AKT3: variants seen among roughly 807,000 people sequenced by gnomAD.
AKT3 encodes RAC-gamma serine/threonine-protein kinase.
AKT3 carries 15 observed loss-of-function variants against 65.3 expected under a neutral mutation model. The observed-to-expected ratio is 0.23, with a 90% confidence interval of 0.15 to 0.35. The LOEUF (loss-of-function observed/expected upper bound fraction) is 0.35. AKT3 is among the 10% of genes least tolerant of loss of function. AKT3 has a pLI of 1.00. For synonymous variants in AKT3, 206 were observed against 183.8 expected, an observed-to-expected ratio of 1.12 and a Z score of -0.98; for missense variants, 243 against 576.5, an observed-to-expected ratio of 0.42 and a Z score of 5.92.
In AKT3 at chr1:243,668,241, C is replaced by T. The variant is rs192061558; in HGVS notation, c.173-3358G>A. Among the ~76,000 whole-genome samples, 12 of 152,180 alleles carry T rather than the reference C, an allele frequency of 7.9e-5. No individual in the cohort carries two copies. In the East Asian group the frequency reaches 2.3e-3, roughly 29 times the overall value. On this transcript the variant is annotated intron_variant, in intron 3 of 13. Transcript: ENST00000673466. The stretch of plus-strand genomic sequence containing the variant: ...TCCAACAAAGAAGGTAATTTTGATG[C>T]TACCAAAAGATAATTTCTAAAGCAA...
intron 11 of AKT3, among the ~76,000 whole-genome samples, chr1:243,551,045 T>C (rs1466111232): frequency 1.3e-5 from 2 of 149,842 alleles, no homozygotes; most frequent in African/African-American, 4.9e-5. Context: ...CCTTACTTAA[T>C]TGTAAAAGAA....
chr1:243,580,077 C>G (rs12119594), intron 8 of AKT3, among the ~76,000 whole-genome samples: 79,352 of 152,046 alleles, frequency 0.52, 24,215 homozygotes, highest in Non-Finnish European at 0.68. Flanking sequence ...GCTTTCTGCA[C>G]GCCTCAGCCA....
At chr1:243,734,066 T>A (rs1022646993) in intron 2 of AKT3, among the ~76,000 whole-genome samples, 1 of 152,186 alleles carries the variant, frequency 6.6e-6, no homozygotes, top group African/African-American at 2.4e-5. Context: ...TTCTCTTAAA[T>A]CCAATCCAAT....
intron 2 of AKT3, among the ~76,000 whole-genome samples, chr1:243,704,737 C>G (rs193143413): frequency 3.2e-4 from 48 of 152,218 alleles, no homozygotes; most frequent in Non-Finnish European, 5.9e-4. Context: ...AAAAGCAAGG[C>G]AATAGCTTTA....
chr1:243,573,625 T>C (rs79876569), intron 8 of AKT3, among the ~76,000 whole-genome samples: 1 of 152,216 alleles, frequency 6.6e-6, no homozygotes. Flanking sequence ...ATGTTTTTAA[T>C]TTATTTTAGT....
At chr1:243,706,125 AGCAGTGAGTCCATAAC>A (rs541471396) in intron 2 of AKT3, among the ~76,000 whole-genome samples, 1 of 152,236 alleles carries the variant, frequency 6.6e-6, no homozygotes, top group Non-Finnish European at 1.5e-5. Flanking sequence ...CAAATATGGA[AGCAGTGAGTCCATAAC>A]GCAAGAAACT....
At chr1:243,525,284 T>A (rs1025184777) in intron 12 of AKT3, among the ~76,000 whole-genome samples, 1 of 152,078 alleles carries the variant, frequency 6.6e-6, no homozygotes, top group Non-Finnish European at 1.5e-5. Flanking sequence ...AAATTCAGTA[T>A]TCTTTGCTGC....
chr1:243,814,848 T>C (rs1352111833), intron 2 of AKT3: 3 of 152,206 alleles, frequency 2.0e-5, no homozygotes, highest in Non-Finnish European at 4.4e-5. Flanking sequence ...AAAACTACGA[T>C]CAGCACTCCT....
At chr1:243,699,768 A>C (rs1043155353) in intron 2 of AKT3, among the ~76,000 whole-genome samples, 4 of 152,096 alleles carry the variant, frequency 2.6e-5, no homozygotes, top group Admixed American at 6.5e-5. Flanking sequence ...TTAACAATTA[A>C]GGATTCTGAG....
chr1:243,627,902 A>G (rs1679299645), intron 6 of AKT3, among the ~76,000 whole-genome samples: 1 of 152,212 alleles, frequency 6.6e-6, no homozygotes. Context: ...ATGGAAACCT[A>G]AACAACAGCA....
In AKT3 at chr1:243,793,899, T is replaced by C. The variant is rs1572358839; in HGVS notation, c.46+49226A>G. ...TCATCACAACTACCCTCTGATTAGA[T>C]ATTATTCTCATTCTACTGAGACCCA... is the stretch of plus-strand genomic sequence containing the variant. On this transcript the variant is annotated intron_variant, in intron 2 of 13. Transcript: ENST00000673466. Among the ~76,000 whole-genome samples the C allele has an allele frequency of 4.6e-5, 7 of 152,306 alleles. 1 individual carries two copies. The highest frequency in any genetic ancestry group is 4.6e-4 in the Admixed American group (7 of 15,296).
At chr1:243,849,892 G>T in intron 1 of AKT3, 148 bp downstream of exon 1, 1 of 512,304 alleles carries the variant, frequency 2.0e-6, no homozygotes, top group Non-Finnish European at 2.5e-6. Context: ...CGCCCCCGGC[G>T]CGGTGACAAC....
chr1:243,692,516 T>C (rs1684757856), intron 3 of AKT3, among the ~76,000 whole-genome samples: 2 of 151,844 alleles, frequency 1.3e-5, no homozygotes, highest in South Asian at 4.2e-4. Flanking sequence ...GTGGATCACC[T>C]GAGGTCACGA....
At chr1:243,699,465 C>CCATATATA (rs1389882625) in intron 2 of AKT3, among the ~76,000 whole-genome samples, 9 of 103,624 alleles carry the variant, frequency 8.7e-5, no homozygotes, top group African/African-American at 4.4e-4. Context: ...ACCTCTTCCA[C>CCATATATA]TATATATATA....
At chr1:243,719,925 T>A (rs1343091419) in intron 2 of AKT3, among the ~76,000 whole-genome samples, 1 of 152,204 alleles carries the variant, frequency 6.6e-6, no homozygotes, top group Non-Finnish European at 1.5e-5. Flanking sequence ...TTGGCCAATC[T>A]CTGCTACACT....
At chr1:243,642,057 TA>T (rs1054458226) in intron 5 of AKT3, among the ~76,000 whole-genome samples, 3 of 152,040 alleles carry the variant, frequency 2.0e-5, no homozygotes, top group South Asian at 2.1e-4. Flanking sequence ...TCTCAATCTT[TA>T]AAAAAAAGGG....
chr1:243,519,075 ACAATGTGGAAGACGAAGC>A lies in AKT3; in HGVS notation c.1252-6667_1252-6650del, dbSNP rs564183735. Among the ~76,000 whole-genome samples, 8 of 152,366 alleles carry A rather than the reference ACAATGTGGAAGACGAAGC, an allele frequency of 5.3e-5. No individual in the cohort carries two copies. In the South Asian group the frequency reaches 1.5e-3, roughly 28 times the overall value. On this transcript the variant is annotated intron_variant, in intron 12 of 13. Transcript: ENST00000673466. The stretch of plus-strand genomic sequence containing the variant: ...ATAACTTATTTTAAGAAGGGATGAG[ACAATGTGGAAGACGAAGC>A]CAGCAGCGACAGACCATCCACATCA...
intron 2 of AKT3, among the ~76,000 whole-genome samples, chr1:243,789,206 T>C (rs1691463782): frequency 6.6e-6 from 1 of 152,174 alleles, no homozygotes; most frequent in South Asian, 2.1e-4. Context: ...AGCAAGACCC[T>C]GTCTGTACAA....
chr1:243,642,711 G>A (rs2147834300), intron 5 of AKT3, among the ~76,000 whole-genome samples: 1 of 152,268 alleles, frequency 6.6e-6, no homozygotes, highest in Non-Finnish European at 1.5e-5. Context: ...ATACTTTACA[G>A]TTACACTCTT....
Sources: allele counts gnomAD v4.1 joint callset (sites outside exome capture counted in the v4.1 genomes callset), GRCh38; gene constraint gnomAD v4.1.1; transcripts MANE v1.5; gene names NCBI Gene and HGNC (gene_info 2026-07-23, HGNC 2026-07-21).